Variants in SDK1 observed in about 807,000 individuals in gnomAD.
The protein encoded by SDK1 is sidekick cell adhesion molecule 1.
In SDK1, 157 loss-of-function variants were observed where a neutral mutation model predicts 245.5. That is an observed-to-expected ratio of 0.64 (90% confidence interval 0.56 to 0.73). SDK1 has a LOEUF of 0.73. Among genes scored for constraint, SDK1 ranks in the 30% least tolerant of loss-of-function variants. The pLI, the probability that SDK1 is intolerant of heterozygous loss-of-function variation, is 0.00. For synonymous variants in SDK1, 1,647 were observed against 1,278.5 expected, an observed-to-expected ratio of 1.29 and a Z score of -6.15; for missense variants, 3,583 against 3,002.3, an observed-to-expected ratio of 1.19 and a Z score of -4.52.
At position 4,266,145 on chromosome 7, in the gene SDK1, T is replaced by G. The variant is rs776844231; in HGVS notation, c.*761T>G. ...GCTGGAAGCCACCACGCTGGCCCTC[T>G]CCTTCCCCGAACACAGCACACGGTC... On this transcript the variant is annotated 3_prime_UTR_variant, in exon 45 of 45. Coordinates refer to ENST00000404826, the MANE Select transcript of SDK1 (RefSeq NM_152744.4). 3.5e-5 allele frequency: 34 copies of G among 985,328 alleles called. No individual in the cohort carries two copies. Among genetic ancestry groups the G allele is most frequent in the Non-Finnish European group, 4.0e-5 (33 of 829,968 alleles). The allele number at this position is 985,328 out of a possible 1,614,324, so 61.0% of individuals were successfully genotyped here.
chr7:3,378,749 CTT>C (rs1264922198), intron 1 of SDK1, among the ~76,000 whole-genome samples: 1 of 150,514 alleles, frequency 6.6e-6, no homozygotes, highest in African/African-American at 2.5e-5. Context: ...CTTCAGGTGA[CTT>C]TGCAGGGGAA....
chr7:3,520,128 A>G (rs1381417988), intron 1 of SDK1, among the ~76,000 whole-genome samples: 1 of 152,210 alleles, frequency 6.6e-6, no homozygotes, highest in Non-Finnish European at 1.5e-5. Context: ...CTAGATATCA[A>G]GTTACCAGAA....
chr7:4,130,237 T>G, intron 27 of SDK1, 140 bp downstream of exon 27: 1 of 987,530 alleles, frequency 1.0e-6, no homozygotes, highest in East Asian at 2.7e-5. Context: ...AAAACAAAAT[T>G]GTTTTTCAGT....
At chr7:3,321,942 C>G (rs540917822) in intron 1 of SDK1, among the ~76,000 whole-genome samples, 2 of 149,212 alleles carry the variant, frequency 1.3e-5, no homozygotes, top group Admixed American at 6.7e-5. Flanking sequence ...CTGCTTATAC[C>G]TTTGTTCCCC....
chr7:3,701,924 C>CAAAAAAAAAAAAAAAAAAAAAAAAAAA (rs58687135), intron 4 of SDK1, among the ~76,000 whole-genome samples: 1 of 85,680 alleles, frequency 1.2e-5, no homozygotes, highest in Non-Finnish European at 2.5e-5. Flanking sequence ...CGTGCATAAG[C>CAAAAAAAAAAAAAAAAAAAAAAAAAAA]AAAAAAAAAA....
intron 1 of SDK1, among the ~76,000 whole-genome samples, chr7:3,335,701 A>C (rs1780183331): frequency 6.6e-6 from 1 of 152,188 alleles, no homozygotes; most frequent in African/African-American, 2.4e-5. Context: ...AGAACTTTCA[A>C]ATTCACAGAA....
At chr7:3,802,477 G>A (rs1376603279) in intron 4 of SDK1, among the ~76,000 whole-genome samples, 2 of 152,016 alleles carry the variant, frequency 1.3e-5, no homozygotes, top group African/African-American at 2.4e-5. Flanking sequence ...CAAGGCTGCA[G>A]TGAGCCATGA....
intron 17 of SDK1, among the ~76,000 whole-genome samples, chr7:4,048,124 G>A (rs916357064): frequency 6.6e-5 from 10 of 152,180 alleles, no homozygotes; most frequent in Admixed American, 1.3e-4. Context: ...GCCGAGAAGA[G>A]TGTAGCGATT....
intron 1 of SDK1, among the ~76,000 whole-genome samples, chr7:3,545,942 A>G (rs1196718765): frequency 1.3e-5 from 2 of 152,246 alleles, no homozygotes; most frequent in African/African-American, 4.8e-5. Context: ...AGAATACCTA[A>G]ATCAGTATAA....
intron 1 of SDK1, among the ~76,000 whole-genome samples, chr7:3,609,384 AG>A (rs1432146231): frequency 6.6e-6 from 1 of 152,004 alleles, no homozygotes; most frequent in African/African-American, 2.4e-5. Context: ...TAGTCAGGGG[AG>A]AGCTGGGATT....
chr7:4,107,346 C>T lies in SDK1; in HGVS notation c.3325-3317C>T, dbSNP rs550774446. Among the ~76,000 whole-genome samples, 44 of 152,210 alleles carry T rather than the reference C, an allele frequency of 2.9e-4. No homozygotes were observed. The South Asian group carries it at 3.1e-3, about 11-fold the overall frequency. On this transcript the variant is annotated intron_variant, in intron 22 of 44. Coordinates refer to ENST00000404826, the MANE Select transcript of SDK1 (RefSeq NM_152744.4). The stretch of plus-strand genomic sequence containing the variant: ...GGAGGCTGCCGGGAAAAGCGCCCAC[C>T]GGTCACTTGGCACCGTGAGCTACGC...
In SDK1 at chr7:3,570,839, T is replaced by C. The variant is rs1780092129; in HGVS notation, c.299-48241T>C. Among the ~76,000 whole-genome samples the C allele has an allele frequency of 1.3e-5, 2 of 152,228 alleles. 1 individual carries two copies. Among genetic ancestry groups the C allele is most frequent in the Non-Finnish European group, 2.9e-5 (2 of 67,994 alleles). On this transcript the variant is annotated intron_variant, in intron 1 of 44. Transcript: ENST00000404826. ...TGTTCTTTGTTTTGTTCAGTGACTTTTGTCAATATATAAATCTTAGAATTT... is the reference window on the plus strand; with the variant it reads ...TGTTCTTTGTTTTGTTCAGTGACTTCTGTCAATATATAAATCTTAGAATTT...
intron 28 of SDK1, among the ~76,000 whole-genome samples, chr7:4,139,583 ATG>A (rs372711816): frequency 0.11 from 4,656 of 41,610 alleles, 969 homozygotes; most frequent in Middle Eastern, 0.21. Flanking sequence ...GTGTGTGTGT[ATG>A]TGTGTGTATA....
At chr7:4,248,175 C>A (rs746957774) in intron 44 of SDK1, among the ~76,000 whole-genome samples, 1 of 152,080 alleles carries the variant, frequency 6.6e-6, no homozygotes, top group Non-Finnish European at 1.5e-5. Flanking sequence ...CACATATGTA[C>A]ATGTACACAC....
At chr7:3,824,982 G>A (rs185242763) in intron 5 of SDK1, among the ~76,000 whole-genome samples, 3 of 152,124 alleles carry the variant, frequency 2.0e-5, no homozygotes, top group Admixed American at 6.5e-5. Flanking sequence ...TCTCCACCCC[G>A]CTGCCCTGGT....
At chr7:4,011,301 G>C (rs1436087221) in intron 15 of SDK1, among the ~76,000 whole-genome samples, 188 bp downstream of exon 15, 3 of 152,266 alleles carry the variant, frequency 2.0e-5, no homozygotes, top group Non-Finnish European at 2.9e-5. Flanking sequence ...ACTTAGCTGG[G>C]CCTTCCTTCA....
chr7:3,640,244 A>G (rs890843456), intron 3 of SDK1, among the ~76,000 whole-genome samples: 2 of 152,236 alleles, frequency 1.3e-5, no homozygotes, highest in Non-Finnish European at 1.5e-5. Context: ...ACATTTTAAT[A>G]TATCATTATA....
chr7:3,749,047 C>T (rs896415528), intron 4 of SDK1, among the ~76,000 whole-genome samples: 2 of 152,196 alleles, frequency 1.3e-5, no homozygotes, highest in South Asian at 4.1e-4. Context: ...ATATTTTCAA[C>T]AGAGCATATT....
intron 5 of SDK1, among the ~76,000 whole-genome samples, chr7:3,889,172 T>C (rs1295981646): frequency 6.6e-6 from 1 of 152,238 alleles, no homozygotes; most frequent in East Asian, 1.9e-4. Context: ...GCCTCTGAGA[T>C]TCAATCAAAT....
Sources: allele counts gnomAD v4.1 joint callset (sites outside exome capture counted in the v4.1 genomes callset), GRCh38; gene constraint gnomAD v4.1.1; transcripts MANE v1.5; gene names NCBI Gene and HGNC (gene_info 2026-07-23, HGNC 2026-07-21).